The following AOPEP variants were observed in gnomAD, a reference collection of about 807,000 sequenced individuals.
AOPEP encodes aminopeptidase O (putative), also known as aminopeptidase O.
In AOPEP, 77 loss-of-function variants were observed where a neutral mutation model predicts 98.1. The observed-to-expected ratio is 0.78, with a 90% CI of 0.65 to 0.95. The LOEUF (loss-of-function observed/expected upper bound fraction) is 0.95, where lower values mean the gene tolerates loss of function less well. Ranked by LOEUF, AOPEP falls within the 40% of genes least tolerant of loss-of-function variation. AOPEP has a pLI of 0.00. For synonymous variants in AOPEP, 346 were observed against 365.3 expected (o/e 0.95, Z 0.60); for missense variants, 1,024 against 1,024.7 (o/e 1.00, Z 0.01).
chr9:94,870,696 G>A (rs187192893), intron 5 of AOPEP, among the ~76,000 whole-genome samples: 44 of 152,340 alleles, frequency 2.9e-4, no homozygotes, highest in African/African-American at 9.9e-4. Context: ...CTAGATGTAC[G>A]CTGTGACATT....
chr9:94,947,992 C>T (rs935383347), intron 7 of AOPEP, among the ~76,000 whole-genome samples: 4 of 152,222 alleles, frequency 2.6e-5, no homozygotes, highest in Admixed American at 2.6e-4. Flanking sequence ...CCTCCTGCTA[C>T]ATGTTGAGTT....
At chr9:95,135,806 GA>G in the AOPEP span, among the ~76,000 whole-genome samples, 1 of 152,212 alleles carries the variant, frequency 6.6e-6, no homozygotes, top group South Asian at 2.1e-4. Context: ...AAACGGGATG[GA>G]AAAGGCCTCG....
At chr9:95,107,385 AGAGAGG>A in the AOPEP span, 6 of 1,130,878 alleles carry the variant, frequency 5.3e-6, no homozygotes, top group Non-Finnish European at 5.1e-6. Context: ...CTGGCCCCTG[AGAGAGG>A]GAGCTAGGCA....
chr9:94,882,637 G>T (rs759709585), intron 5 of AOPEP, among the ~76,000 whole-genome samples: 2 of 152,178 alleles, frequency 1.3e-5, no homozygotes, highest in East Asian at 1.9e-4. Flanking sequence ...TTAGCTGGAT[G>T]TGGTGGTGGG....
chr9:94,828,258 T>C (rs1470420126), intron 5 of AOPEP, among the ~76,000 whole-genome samples: 3 of 152,184 alleles, frequency 2.0e-5, no homozygotes, highest in Non-Finnish European at 4.4e-5. Context: ...TTCTTGTGCT[T>C]TTGGTGTCAT....
At chr9:94,942,181 A>G (rs1447365500) in intron 7 of AOPEP, among the ~76,000 whole-genome samples, 1 of 152,216 alleles carries the variant, frequency 6.6e-6, no homozygotes, top group African/African-American at 2.4e-5. Flanking sequence ...AGGATATCTT[A>G]TGCACTCAGC....
intron 5 of AOPEP, among the ~76,000 whole-genome samples, chr9:94,922,486 A>G (rs1275864914): frequency 6.6e-6 from 1 of 152,246 alleles, no homozygotes; most frequent in Non-Finnish European, 1.5e-5. Context: ...TTTACTTGGT[A>G]CATTTCTGTG....
the AOPEP span, chr9:95,114,377 G>A: frequency 1.7e-5 from 9 of 532,344 alleles, no homozygotes; most frequent in East Asian, 3.4e-5. Flanking sequence ...AAAACCAGAC[G>A]TTAATGTAGA....
chr9:95,032,777 A>G (rs1382872072), intron 13 of AOPEP, among the ~76,000 whole-genome samples: 3 of 152,154 alleles, frequency 2.0e-5, no homozygotes, highest in Admixed American at 6.5e-5. Context: ...GGTGGTTTGG[A>G]GTTGTTCCCA....
chr9:95,124,965 C>T, the AOPEP span: 22 of 845,522 alleles, frequency 2.6e-5, no homozygotes, highest in African/African-American at 1.3e-4. Flanking sequence ...TCATTAGGAA[C>T]CTTTCTTTGT....
At chr9:94,735,167 G>T (rs1831436036) in intron 1 of AOPEP, among the ~76,000 whole-genome samples, 1 of 152,176 alleles carries the variant, frequency 6.6e-6, no homozygotes, top group Non-Finnish European at 1.5e-5. Flanking sequence ...AAATTATCTT[G>T]ATATCCTGTG....
chr9:94,851,210 C>T (rs1052444383), intron 5 of AOPEP, among the ~76,000 whole-genome samples: 1 of 152,310 alleles, frequency 6.6e-6, no homozygotes, highest in South Asian at 2.1e-4. Context: ...TCATTTGGAG[C>T]GTCCTTGCAG....
chr9:95,076,969 T>A (rs2069139668), intron 14 of AOPEP, among the ~76,000 whole-genome samples: 2 of 151,364 alleles, frequency 1.3e-5, no homozygotes, highest in Non-Finnish European at 2.9e-5. Context: ...ATTTCAGATT[T>A]AAAGTTCAGA....
At chr9:94,952,263 C>T (rs908794192) in intron 7 of AOPEP, among the ~76,000 whole-genome samples, 1 of 152,282 alleles carries the variant, frequency 6.6e-6, no homozygotes, top group Non-Finnish European at 1.5e-5. Flanking sequence ...GTACGTGCAT[C>T]GCTTAAGTTT....
chr9:94,800,709 A>G, intron 4 of AOPEP, 48 bp from the exon 5 acceptor site: 8 of 1,604,758 alleles, frequency 5.0e-6, no homozygotes, highest in Non-Finnish European at 6.8e-6. Flanking sequence ...TCACCTCCAC[A>G]GCAAGAATAA....
At chr9:95,049,550 C>T (rs544900179) in intron 13 of AOPEP, among the ~76,000 whole-genome samples, 2 of 152,216 alleles carry the variant, frequency 1.3e-5, no homozygotes, top group African/African-American at 4.8e-5. Context: ...AATGTTATTC[C>T]TGTAACTTCG....
At chr9:94,913,991 G>C (rs547844796) in intron 5 of AOPEP, among the ~76,000 whole-genome samples, 76 of 152,264 alleles carry the variant, frequency 5.0e-4, no homozygotes, top group African/African-American at 1.8e-3. Context: ...TTTGCCCTTT[G>C]CATGAAGGGT....
chr9:94,933,180 T>C (rs1588960701), intron 7 of AOPEP: 9 of 985,786 alleles, frequency 9.1e-6, no homozygotes, highest in Non-Finnish European at 1.1e-5. Flanking sequence ...GGTCCCCTCC[T>C]GACTCGTGCA....
At chr9:95,071,303 C>CA (rs775364181) in intron 14 of AOPEP, among the ~76,000 whole-genome samples, 15 of 125,308 alleles carry the variant, frequency 1.2e-4, no homozygotes, top group South Asian at 6.4e-4. Context: ...CACACACACA[C>CA]ACAAAAAAAT....
Sources: allele counts gnomAD v4.1 joint callset (sites outside exome capture counted in the v4.1 genomes callset), GRCh38; gene constraint gnomAD v4.1.1; transcripts MANE v1.5; gene names NCBI Gene and HGNC (gene_info 2026-07-23, HGNC 2026-07-21).